The following RASGEF1A variants were observed in gnomAD, a reference collection of about 807,000 sequenced individuals.
RASGEF1A encodes the protein RasGEF domain family member 1A.
A neutral mutation model predicts 56.4 loss-of-function variants in RASGEF1A; 18 were observed. The ratio of observed to expected loss-of-function variants is 0.32; its 90% confidence interval spans 0.22 to 0.47. The LOEUF is 0.47. Among genes scored for constraint, RASGEF1A ranks in the 20% least tolerant of loss-of-function variants. The probability of loss-of-function intolerance (pLI) is 1.00; values close to 1 mark genes in which losing one functional copy is unlikely to be tolerated. For synonymous variants in RASGEF1A, 245 were observed against 242.6 expected, an observed-to-expected ratio of 1.01 and a Z score of -0.09; for missense variants, 422 against 627.1, an observed-to-expected ratio of 0.67 and a Z score of 3.49.
At chr10:43,206,161 C>G in intron 1 of RASGEF1A, 39 bp from the exon 2 acceptor site, 2 of 1,502,286 alleles carry the variant, frequency 1.3e-6, no homozygotes, top group Non-Finnish European at 1.8e-6. Context: ...ATCAAAGGCG[C>G]CTCCACAGCT....
intron 5 of RASGEF1A, 121 bp downstream of exon 5, chr10:43,200,546 G>T: frequency 1.1e-6 from 1 of 897,688 alleles, no homozygotes; most frequent in Non-Finnish European, 1.7e-6. Flanking sequence ...GGCAGTCAGG[G>T]CTGGCAAGCG....
intron 1 of RASGEF1A, among the ~76,000 whole-genome samples, chr10:43,214,661 G>A (rs1441504725): frequency 6.6e-6 from 1 of 152,220 alleles, no homozygotes; most frequent in Non-Finnish European, 1.5e-5. Flanking sequence ...CAACTCCAAA[G>A]GGAAGAGCAG....
intron 1 of RASGEF1A, among the ~76,000 whole-genome samples, chr10:43,261,245 C>G (rs1053312289): frequency 2.0e-5 from 3 of 152,284 alleles, no homozygotes; most frequent in African/African-American, 7.2e-5. Context: ...GGCAGTTGAT[C>G]TGGCCCAGGT....
chr10:43,209,687 C>T (rs1289326644), intron 1 of RASGEF1A, among the ~76,000 whole-genome samples: 1 of 142,956 alleles, frequency 7.0e-6, no homozygotes, highest in African/African-American at 2.5e-5. Flanking sequence ...AGGAAGCCCC[C>T]CCACCAGGGC....
Position 43,195,168 on chromosome 10 carries a change from A to G in RASGEF1A, c.*1076T>C, listed in dbSNP as rs976314903. 1 of 152,176 alleles carries G rather than the reference A, an allele frequency of 6.6e-6. No homozygotes were observed. The highest frequency in any genetic ancestry group is 1.5e-5 in the Non-Finnish European group (1 of 68,070). 9.4% of individuals were successfully genotyped at this position (152,176 alleles called of 1,614,324 possible). On this transcript the variant is annotated 3_prime_UTR_variant, in exon 13 of 13. Coordinates refer to ENST00000395810, the MANE Select transcript of RASGEF1A (RefSeq NM_145313.4). The surrounding 1 kb of genome is among the most constrained non-coding windows in gnomAD (Gnocchi z 4.2). ...TTCTGAAGGACAGCTGTCCTGCGCC[A>G]TGGTCAGTAGGGCCCAGGGCTCACA...
intron 1 of RASGEF1A, among the ~76,000 whole-genome samples, chr10:43,220,784 TAA>T (rs61258525): frequency 2.2e-5 from 3 of 138,772 alleles, no homozygotes; most frequent in African/African-American, 2.7e-5. Flanking sequence ...GACTCTGTCT[TAA>T]AAAAAAAAAA....
intron 6 of RASGEF1A, 85 bp from the exon 7 acceptor site, chr10:43,199,853 T>C: frequency 2.7e-6 from 3 of 1,129,842 alleles, no homozygotes; most frequent in Non-Finnish European, 2.6e-6. Context: ...GGTCCCCAGC[T>C]ATGGCTCAGC....
intron 1 of RASGEF1A, among the ~76,000 whole-genome samples, chr10:43,253,855 T>C (rs1220884259): frequency 1.3e-5 from 2 of 152,222 alleles, no homozygotes; most frequent in African/African-American, 2.4e-5. Context: ...AGCAGCTCCA[T>C]CTGTGGGACT....
intron 1 of RASGEF1A, chr10:43,229,807 C>T (rs1840337405): frequency 8.4e-7 from 1 of 1,194,642 alleles, no homozygotes. Flanking sequence ...AGCAGGGAAC[C>T]GAGGGGCTGG....
intron 1 of RASGEF1A, among the ~76,000 whole-genome samples, chr10:43,257,513 C>A (rs1489942490): frequency 6.6e-6 from 1 of 152,226 alleles, no homozygotes; most frequent in Non-Finnish European, 1.5e-5. Context: ...TCAGTCCCAT[C>A]TGGCCTGCAG....
chr10:43,237,661 C>T (rs533200528), intron 1 of RASGEF1A, among the ~76,000 whole-genome samples: 1 of 152,306 alleles, frequency 6.6e-6, no homozygotes, highest in African/African-American at 2.4e-5. Flanking sequence ...ACCAGGCTAA[C>T]GCACGGCGTG....
chr10:43,219,749 C>T (rs573070759), intron 1 of RASGEF1A, among the ~76,000 whole-genome samples: 2 of 152,368 alleles, frequency 1.3e-5, no homozygotes, highest in East Asian at 1.9e-4. Context: ...GCTGCACCTC[C>T]GCCCTCTACA....
At chr10:43,242,752 C>A (rs1840517030) in intron 1 of RASGEF1A, among the ~76,000 whole-genome samples, 1 of 151,898 alleles carries the variant, frequency 6.6e-6, no homozygotes, top group Non-Finnish European at 1.5e-5. Flanking sequence ...GGGCTGGTTT[C>A]CAGCTCCTGG....
At chr10:43,219,688 C>T (rs889570295) in intron 1 of RASGEF1A, among the ~76,000 whole-genome samples, 6 of 152,196 alleles carry the variant, frequency 3.9e-5, no homozygotes, top group Non-Finnish European at 8.8e-5. Context: ...CCTCCAGAGG[C>T]AGGAAGGGAT....
chr10:43,222,285 T>A (rs963430643), intron 1 of RASGEF1A, among the ~76,000 whole-genome samples: 5 of 152,102 alleles, frequency 3.3e-5, no homozygotes, highest in African/African-American at 9.7e-5. Flanking sequence ...CTCCTAACAC[T>A]CTCAGAATCT....
intron 1 of RASGEF1A, among the ~76,000 whole-genome samples, chr10:43,260,538 C>T (rs564769931): frequency 7.4e-4 from 112 of 152,316 alleles, no homozygotes; most frequent in African/African-American, 2.6e-3. Context: ...CCCTGGTCCC[C>T]ACGGGCAGGG....
intron 1 of RASGEF1A, among the ~76,000 whole-genome samples, chr10:43,225,240 C>T (rs567635256): frequency 9.0e-4 from 46 of 50,844 alleles, no homozygotes; most frequent in Middle Eastern, 0.024. Flanking sequence ...GTGTGCATGT[C>T]TGTGTGTGGG....
At chr10:43,206,161 C>A in intron 1 of RASGEF1A, 39 bp from the exon 2 acceptor site, 1 of 1,502,286 alleles carries the variant, frequency 6.7e-7, no homozygotes, top group African/African-American at 1.4e-5. Context: ...ATCAAAGGCG[C>A]CTCCACAGCT....
chr10:43,221,146 T>C (rs1193943936), intron 1 of RASGEF1A, among the ~76,000 whole-genome samples: 4 of 152,136 alleles, frequency 2.6e-5, no homozygotes, highest in Admixed American at 1.3e-4. Context: ...CCCTCTGCTC[T>C]GAAGGAACTT....
Sources: gnomAD v4.1 joint callset for allele counts (sites outside exome capture counted in the v4.1 genomes callset) on GRCh38, gnomAD v4.1.1 for gene constraint, Gnocchi (gnomAD v3.1) non-coding constraint, MANE v1.5 for transcripts, NCBI Gene and HGNC (gene_info 2026-07-23, HGNC 2026-07-21) for gene names.